ATP10A: variants seen among roughly 807,000 people sequenced by gnomAD.
ATP10A encodes ATPase phospholipid transporting 10A (putative), also known as phospholipid-transporting ATPase VA.
In ATP10A, 111 loss-of-function variants were observed where a neutral mutation model predicts 147.8. The observed-to-expected ratio is 0.75, with a 90% confidence interval of 0.64 to 0.88. ATP10A has a LOEUF of 0.88. Among genes scored for constraint, ATP10A ranks in the 40% least tolerant of loss-of-function variants. The pLI is 0.00. For synonymous variants in ATP10A, 875 were observed against 841.6 expected (o/e 1.04, Z -0.69); for missense variants, 1,927 against 1,959.0 (o/e 0.98, Z 0.31).
At chr15:25,848,538 G>C (rs1479850855) in intron 1 of ATP10A, among the ~76,000 whole-genome samples, 3 of 152,076 alleles carry the variant, frequency 2.0e-5, no homozygotes, top group Non-Finnish European at 4.4e-5. Context: ...AGGGCGGCGG[G>C]AGAGAATGTT....
At chr15:25,718,463 A>T in intron 7 of ATP10A, 64 bp from the exon 8 acceptor site, 1 of 1,498,054 alleles carries the variant, frequency 6.7e-7, no homozygotes, top group South Asian at 1.2e-5. Flanking sequence ...GAAAGAAACC[A>T]TTCAGTGTGT....
intron 2 of ATP10A, among the ~76,000 whole-genome samples, chr15:25,745,234 G>A (rs912665449): frequency 2.0e-5 from 3 of 152,128 alleles, no homozygotes; most frequent in Non-Finnish European, 4.4e-5. Flanking sequence ...GCTGAGGCAG[G>A]AGAATCACTT....
chr15:25,730,620 A>C (rs1902923829), intron 3 of ATP10A, among the ~76,000 whole-genome samples: 1 of 152,144 alleles, frequency 6.6e-6, no homozygotes, highest in African/African-American at 2.4e-5. Flanking sequence ...ATCCTTCCTC[A>C]TCTATATGAA....
intron 1 of ATP10A, among the ~76,000 whole-genome samples, chr15:25,789,109 C>A (rs553855454): frequency 5.9e-5 from 9 of 152,212 alleles, no homozygotes; most frequent in Non-Finnish European, 1.3e-4. Flanking sequence ...CAGGTGTGCA[C>A]CACCACACCC....
chr15:25,755,914 C>T (rs112796266), intron 2 of ATP10A, among the ~76,000 whole-genome samples: 1,943 of 152,288 alleles, frequency 0.013, 42 homozygotes, highest in African/African-American at 0.044. Flanking sequence ...CATTTGTAAG[C>T]GTGTCTCCTT....
chr15:25,778,507 A>AC (rs201607239), intron 2 of ATP10A, among the ~76,000 whole-genome samples: 1 of 151,154 alleles, frequency 6.6e-6, no homozygotes, highest in Non-Finnish European at 1.5e-5. Context: ...AAAAAAAAAA[A>AC]CCCAGAAAGT....
intron 2 of ATP10A, among the ~76,000 whole-genome samples, chr15:25,749,351 G>T (rs1344877248): frequency 2.0e-5 from 3 of 152,160 alleles, no homozygotes; most frequent in Non-Finnish European, 4.4e-5. Context: ...GAGAAATAGA[G>T]GGAACTGTGT....
chr15:25,729,263 G>A (rs969401078), intron 3 of ATP10A, among the ~76,000 whole-genome samples: 2 of 152,212 alleles, frequency 1.3e-5, no homozygotes, highest in African/African-American at 4.8e-5. Context: ...AAGGCAGGCG[G>A]ATCACTTGAG....
At chr15:25,696,269 C>A (rs1278423504) in intron 13 of ATP10A, among the ~76,000 whole-genome samples, 2 of 152,188 alleles carry the variant, frequency 1.3e-5, no homozygotes, top group Non-Finnish European at 2.9e-5. Flanking sequence ...ACAGTTACTG[C>A]CGTAGGGGGA....
In ATP10A at chr15:25,808,404, A is replaced by G. The variant is rs535700017; in HGVS notation, c.450-27181T>C. 3.2e-3 allele frequency among the ~76,000 whole-genome samples: 336 copies of G among 104,436 alleles called. 3 individuals carry two copies. Among genetic ancestry groups the G allele is most frequent in the African/African-American group, 8.8e-3 (315 of 35,952 alleles). The allele number at this position is 104,436 out of a possible 152,430, so 68.5% of individuals were successfully genotyped here. A position where few individuals can be genotyped will look rare whatever the true frequency, so the allele number is the denominator to read the frequency against. ...GAACAGTTTTGTTTTGTTTTTTGAGATAAGAGTTTTGCTCTTGTTTCCCAG... is the reference window on the plus strand; with the variant it reads ...GAACAGTTTTGTTTTGTTTTTTGAGGTAAGAGTTTTGCTCTTGTTTCCCAG... On this transcript the variant is annotated intron_variant, in intron 1 of 20. Coordinates refer to ENST00000555815, the MANE Select transcript of ATP10A (RefSeq NM_024490.4).
In ATP10A at chr15:25,708,336, C is replaced by T. The variant is rs1289026879; in HGVS notation, c.2345-36G>A. On this transcript the variant is annotated intron_variant, in intron 10 of 20. Coordinates refer to ENST00000555815, the MANE Select transcript of ATP10A (RefSeq NM_024490.4). Reference sequence around the variant, plus strand: ...GAATAAGCAGAAACATGGGTAAGAACTGGCGCCTGTGGAATGGTCTTCAGA... The same window carrying T: ...GAATAAGCAGAAACATGGGTAAGAATTGGCGCCTGTGGAATGGTCTTCAGA... The T allele has an allele frequency of 1.9e-6, 3 of 1,581,326 alleles. No homozygotes were observed. The African/African-American group carries it at 4.0e-5, about 21-fold the overall frequency.
At chr15:25,753,315 C>T (rs1210269998) in intron 2 of ATP10A, among the ~76,000 whole-genome samples, 1 of 152,104 alleles carries the variant, frequency 6.6e-6, no homozygotes, top group Non-Finnish European at 1.5e-5. Context: ...GCTTTGCATT[C>T]CACATATAAG....
chr15:25,693,171 G>A (rs1341779857), intron 14 of ATP10A, among the ~76,000 whole-genome samples: 1 of 152,026 alleles, frequency 6.6e-6, no homozygotes. Context: ...GCAGGTGTGT[G>A]CCACCACACA....
intron 2 of ATP10A, among the ~76,000 whole-genome samples, chr15:25,774,586 A>T (rs922616064): frequency 2.2e-5 from 3 of 139,254 alleles, no homozygotes; most frequent in African/African-American, 7.6e-5. Flanking sequence ...CAAAAAGAAA[A>T]AAAAAAAAAA....
chr15:25,672,391 G>A (rs576094184), downstream of ATP10A, among the ~76,000 whole-genome samples: 6 of 152,182 alleles, frequency 3.9e-5, no homozygotes, highest in South Asian at 2.1e-4. Flanking sequence ...TTCATCTGTC[G>A]GCCGACATGG....
At chr15:25,850,200 C>A (rs148274020) in intron 1 of ATP10A, among the ~76,000 whole-genome samples, 14 of 152,246 alleles carry the variant, frequency 9.2e-5, no homozygotes, top group Admixed American at 2.6e-4. Context: ...GACTTATGTT[C>A]AAAAATGGTT....
Position 25,726,083 on chromosome 15 carries a change from C to G in ATP10A, c.848-1G>C, listed in dbSNP as rs1902525736. 3 of 1,613,318 alleles carry G rather than the reference C, an allele frequency of 1.9e-6. No individual in the cohort carries two copies. Among genetic ancestry groups the G allele is most frequent in the Non-Finnish European group, 2.5e-6 (3 of 1,179,592 alleles). ...TTCAGCAGAGCCTTGGTTTCATGTCCTGTCGGGGAGGACAAAGAGACATGG... is the reference window on the plus strand; with the variant it reads ...TTCAGCAGAGCCTTGGTTTCATGTCGTGTCGGGGAGGACAAAGAGACATGG... On this transcript the variant is annotated splice_acceptor_variant, in intron 4 of 20. Transcript: ENST00000555815. LOFTEE classifies it high-confidence loss of function.
At chr15:25,841,435 T>C (rs1344263045) in intron 1 of ATP10A, 1 of 152,210 alleles carries the variant, frequency 6.6e-6, no homozygotes, top group Non-Finnish European at 1.5e-5. Context: ...ATATGTGCCA[T>C]CCCTTTGCTG....
chr15:25,789,591 T>TGTGTGTGTGTGA (rs1555470190), intron 1 of ATP10A, among the ~76,000 whole-genome samples: 10,104 of 151,268 alleles, frequency 0.067, 364 homozygotes, highest in Non-Finnish European at 0.076. Flanking sequence ...TGTGTGTGTG[T>TGTGTGTGTGTGA]GACAGAGACA....
Sources: gnomAD v4.1 joint callset for allele counts (sites outside exome capture counted in the v4.1 genomes callset) on GRCh38, gnomAD v4.1.1 for gene constraint, MANE v1.5 for transcripts, NCBI Gene and HGNC (gene_info 2026-07-23, HGNC 2026-07-21) for gene names.